Variants in IL1RAPL2 observed in about 807,000 individuals in gnomAD.
IL1RAPL2 encodes the protein interleukin 1 receptor accessory protein like 2.
Under a neutral mutation model 44.1 loss-of-function variants are expected in IL1RAPL2, and 3 were observed. The ratio of observed to expected loss-of-function variants is 0.07; its 90% CI spans 0.03 to 0.18. IL1RAPL2 has a LOEUF of 0.18. Ranked by LOEUF, IL1RAPL2 falls within the 10% of genes least tolerant of loss-of-function variation. The probability of loss-of-function intolerance (pLI) is 1.00; values close to 1 mark genes in which losing one functional copy is unlikely to be tolerated. For synonymous variants in IL1RAPL2, 181 were observed against 178.8 expected, an observed-to-expected ratio of 1.01 and a Z score of -0.10; for missense variants, 391 against 496.4, an observed-to-expected ratio of 0.79 and a Z score of 2.02.
chrX:105,648,321 A>G (rs2037620501), intron 6 of IL1RAPL2, among the ~76,000 whole-genome samples: 1 of 111,816 alleles, frequency 8.9e-6, no homozygotes, highest in East Asian at 2.8e-4. Context: ...TGTTCAATAC[A>G]GGGGTCTGGG....
At chrX:104,763,528 G>T (rs1212330085) in intron 2 of IL1RAPL2, among the ~76,000 whole-genome samples, 1 of 111,502 alleles carries the variant, frequency 9.0e-6, no homozygotes, top group Non-Finnish European at 1.9e-5. Flanking sequence ...CCCACTCTCT[G>T]CAATACCAAA....
chrX:105,556,802 G>A (rs966560397), intron 6 of IL1RAPL2, among the ~76,000 whole-genome samples: 3 of 111,610 alleles, frequency 2.7e-5, no homozygotes, highest in Non-Finnish European at 5.7e-5. Flanking sequence ...GATTTACCCT[G>A]TTCTTTTATA....
At chrX:105,640,691 T>TATATATATATAC (rs1205790339) in intron 6 of IL1RAPL2, among the ~76,000 whole-genome samples, 1 of 76,046 alleles carries the variant, frequency 1.3e-5, no homozygotes, top group Non-Finnish European at 2.6e-5. Flanking sequence ...TATATATATA[T>TATATATATATAC]ACACACACAT....
intron 5 of IL1RAPL2, among the ~76,000 whole-genome samples, chrX:105,378,641 A>AG: frequency 8.9e-6 from 1 of 111,880 alleles, no homozygotes; most frequent in Non-Finnish European, 1.9e-5. Flanking sequence ...GCAGGGATTG[A>AG]GAAAAAAATG....
At chrX:105,245,121 G>C (rs1034223195) in intron 4 of IL1RAPL2, among the ~76,000 whole-genome samples, 40 of 112,036 alleles carry the variant, frequency 3.6e-4, no homozygotes, top group African/African-American at 1.3e-3. Context: ...TTTAACTAAC[G>C]TCTTAACTCC....
At chrX:104,908,419 C>T (rs1457732650) in intron 2 of IL1RAPL2, among the ~76,000 whole-genome samples, 19 of 111,462 alleles carry the variant, frequency 1.7e-4, no homozygotes, top group South Asian at 7.5e-4. Flanking sequence ...TACATTTTGG[C>T]GTGATTTTGC....
At chrX:104,912,710 T>A (rs910580015) in intron 2 of IL1RAPL2, among the ~76,000 whole-genome samples, 1 of 111,550 alleles carries the variant, frequency 9.0e-6, no homozygotes, top group African/African-American at 3.3e-5. Context: ...CCTAAATAAG[T>A]CTCACATGAG....
At chrX:105,217,261 AAAAC>A (rs782376302) in intron 3 of IL1RAPL2, among the ~76,000 whole-genome samples, 93 of 111,308 alleles carry the variant, frequency 8.4e-4, no homozygotes, top group African/African-American at 1.1e-3. Flanking sequence ...TTACAAGAAA[AAAAC>A]AAACAACCCC....
At chrX:104,689,369 G>A (rs1931049482) in intron 2 of IL1RAPL2, among the ~76,000 whole-genome samples, 2 of 111,491 alleles carry the variant, frequency 1.8e-5, no homozygotes, top group Admixed American at 1.9e-4. Flanking sequence ...GGGCCACTTT[G>A]AGAGGGCTAG....
chrX:105,282,678 G>C (rs1227964111), intron 5 of IL1RAPL2, among the ~76,000 whole-genome samples: 1 of 111,492 alleles, frequency 9.0e-6, no homozygotes, highest in Admixed American at 9.6e-5. Context: ...TGAGTCCTTT[G>C]CATTGGAGCT....
intron 2 of IL1RAPL2, among the ~76,000 whole-genome samples, chrX:104,733,619 AAATAAT>A (rs3081204): frequency 1.3e-4 from 13 of 98,849 alleles, no homozygotes; most frequent in Middle Eastern, 5.1e-3. Context: ...CTCTGTCTCA[AAATAAT>A]AATAATAATA....
chrX:104,838,934 C>A (rs1921826850), intron 2 of IL1RAPL2, among the ~76,000 whole-genome samples: 1 of 99,731 alleles, frequency 1.0e-5, no homozygotes, highest in Non-Finnish European at 2.0e-5. Flanking sequence ...ACTGCAATCT[C>A]TGCCTCCTAG....
intron 6 of IL1RAPL2, among the ~76,000 whole-genome samples, chrX:105,498,071 A>T (rs1326606979): frequency 8.9e-6 from 1 of 112,048 alleles, no homozygotes; most frequent in Non-Finnish European, 1.9e-5. Flanking sequence ...CAGGCAAGAA[A>T]AAGAAAAAAA....
intron 2 of IL1RAPL2, among the ~76,000 whole-genome samples, chrX:104,907,530 A>G (rs1157905104): frequency 1.8e-5 from 2 of 111,212 alleles, no homozygotes; most frequent in African/African-American, 6.5e-5. Context: ...TTCAAAGAAC[A>G]CCTTTATTTC....
At chrX:105,527,743 A>C (rs1320561716) in intron 6 of IL1RAPL2, among the ~76,000 whole-genome samples, 1 of 111,161 alleles carries the variant, frequency 9.0e-6, no homozygotes, top group Non-Finnish European at 1.9e-5. Flanking sequence ...AAGAAGATAG[A>C]TATCTTTAGG....
At position 104,566,724 on chromosome X, in the gene IL1RAPL2, G is replaced by C. The variant is rs373453410; in HGVS notation, c.-347G>C. ...CATCTGCCATTCTAACTACGGAGCTGAGTAATTTAGAAACCCTCCTTAACT... is the reference window on the plus strand; with the variant it reads ...CATCTGCCATTCTAACTACGGAGCTCAGTAATTTAGAAACCCTCCTTAACT... On this transcript the variant is annotated 5_prime_UTR_variant, in exon 1 of 11. Transcript: ENST00000372582. The C allele has an allele frequency of 1.7e-4, 19 of 113,228 alleles. No homozygotes were observed. Among genetic ancestry groups the C allele is most frequent in the African/African-American group, 6.1e-4 (19 of 31,275 alleles). 9.3% of individuals were successfully genotyped at this position (113,228 alleles called of 1,213,427 possible). A position where few individuals can be genotyped will look rare whatever the true frequency, so the allele number is the denominator to read the frequency against.
intron 5 of IL1RAPL2, among the ~76,000 whole-genome samples, chrX:105,357,144 C>T (rs1205380999): frequency 1.8e-5 from 2 of 111,225 alleles, no homozygotes; most frequent in Non-Finnish European, 3.8e-5. Context: ...ACCATTTGAG[C>T]TATGAGACAT....
chrX:105,741,771 C>G (rs1307489366), intron 8 of IL1RAPL2, among the ~76,000 whole-genome samples: 2 of 111,647 alleles, frequency 1.8e-5, no homozygotes, highest in African/African-American at 6.5e-5. Context: ...TTCAGGAGAT[C>G]CTGGTTCAGT....
At chrX:105,524,387 C>T (rs2036581265) in intron 6 of IL1RAPL2, among the ~76,000 whole-genome samples, 1 of 110,313 alleles carries the variant, frequency 9.1e-6, no homozygotes, top group Non-Finnish European at 1.9e-5. Flanking sequence ...GATTTAGGCT[C>T]CAATAATTCA....
Sources: gnomAD v4.1 joint callset for allele counts (sites outside exome capture counted in the v4.1 genomes callset) on GRCh38, gnomAD v4.1.1 for gene constraint, MANE v1.5 for transcripts, NCBI Gene and HGNC (gene_info 2026-07-23, HGNC 2026-07-21) for gene names.